Variants in STPG1 observed in about 807,000 individuals in gnomAD.
The protein encoded by STPG1 is O(6)-methylguanine-induced apoptosis 2.
STPG1 carries 33 observed loss-of-function variants against 40.1 expected under a neutral mutation model. The ratio of observed to expected loss-of-function variants is 0.82; its 90% CI spans 0.62 to 1.10. The LOEUF (loss-of-function observed/expected upper bound fraction) is 1.10. STPG1 is among the 50% of genes least tolerant of loss of function. STPG1 has a pLI of 0.00. For missense variants in STPG1, 396 were observed against 415.1 expected (o/e 0.95, Z 0.40); for synonymous variants, 150 against 155.0 (o/e 0.97, Z 0.24).
chr1:24,374,244 GTTT>G (rs869037466), intron 5 of STPG1, among the ~76,000 whole-genome samples: 9 of 93,286 alleles, frequency 9.6e-5, no homozygotes, highest in East Asian at 7.6e-4. Context: ...CTAGGAAAGT[GTTT>G]TTTTTTTTTG....
At chr1:24,384,853 G>T (rs79967359) in intron 3 of STPG1, among the ~76,000 whole-genome samples, 4 of 152,160 alleles carry the variant, frequency 2.6e-5, no homozygotes, top group Admixed American at 2.6e-4. Context: ...AGACACTAAG[G>T]CACGTGGAGA....
Position 24,399,068 on chromosome 1 carries a change from A to G in STPG1, c.70+2251T>C, listed in dbSNP as rs1440877624. On this transcript the variant is annotated intron_variant, in intron 2 of 8. Transcript: ENST00000337248. This position sits in a 1 kb window ranked among gnomAD's most constrained non-coding sequence, Gnocchi z 4.0. ...TCATGTGTGCACCATAAATATGTAC[A>G]ACTATTATGTATCCATAAAAATTAA... Among the ~76,000 whole-genome samples the G allele has an allele frequency of 6.6e-6, 1 of 152,280 alleles. No individual in the cohort carries two copies. Among genetic ancestry groups the G allele is most frequent in the East Asian group, 1.9e-4 (1 of 5,188 alleles).
chr1:24,375,841 C>T (rs973128510), intron 5 of STPG1, among the ~76,000 whole-genome samples: 2 of 152,040 alleles, frequency 1.3e-5, no homozygotes, highest in African/African-American at 2.4e-5. Context: ...GAGTGTGTGT[C>T]GCTGGAAGAT....
intron 7 of STPG1, among the ~76,000 whole-genome samples, chr1:24,362,144 A>G (rs1278613796): frequency 1.3e-5 from 2 of 152,208 alleles, no homozygotes; most frequent in Non-Finnish European, 2.9e-5. Context: ...CCATCCAAGC[A>G]AAGGAGGGGA....
intron 1 of STPG1, 131 bp from the exon 2 acceptor site, chr1:24,401,587 G>T: frequency 1.7e-6 from 1 of 593,050 alleles, no homozygotes; most frequent in South Asian, 2.0e-5. Context: ...CAAGTGCAGT[G>T]ACCCAAAGTC....
rs1044535333 is a variant in STPG1 at position 24,359,202 on chromosome 1, G to A, written c.929-583C>T. On this transcript the variant is annotated intron_variant, in intron 8 of 8. Transcript: ENST00000337248. This position sits in a 1 kb window ranked among gnomAD's most constrained non-coding sequence, Gnocchi z 5.3. ...AAGCTGAGCAGGCAGATGCCGGCACGTGCACGTGCCCAGGAAACCCCTCGC... is the reference window on the plus strand; with the variant it reads ...AAGCTGAGCAGGCAGATGCCGGCACATGCACGTGCCCAGGAAACCCCTCGC... 1.4e-4 allele frequency among the ~76,000 whole-genome samples: 21 copies of A among 152,208 alleles called. No homozygotes were observed. The highest frequency in any genetic ancestry group is 2.1e-4 in the South Asian group (1 of 4,834).
At chr1:24,395,581 C>T (rs959924674) in intron 2 of STPG1, among the ~76,000 whole-genome samples, 1 of 151,462 alleles carries the variant, frequency 6.6e-6, no homozygotes, top group South Asian at 2.1e-4. Context: ...TACAGGCGCC[C>T]GCCACCGCGC....
At chr1:24,371,590 CA>C (rs11348704) in intron 6 of STPG1, among the ~76,000 whole-genome samples, 32,620 of 107,942 alleles carry the variant, frequency 0.3, 3,549 homozygotes, top group East Asian at 0.5. Flanking sequence ...GACTCCCTCT[CA>C]AAAAAAAAAA....
At chr1:24,366,443 C>T (rs1641471519) in intron 7 of STPG1, among the ~76,000 whole-genome samples, 2 of 152,168 alleles carry the variant, frequency 1.3e-5, no homozygotes, top group Admixed American at 1.3e-4. Flanking sequence ...TTCCTCAACA[C>T]TCTGATATTC....
chr1:24,384,247 T>C (rs1642408301), intron 3 of STPG1, among the ~76,000 whole-genome samples: 1 of 152,236 alleles, frequency 6.6e-6, no homozygotes, highest in South Asian at 2.1e-4. Context: ...CTTTCCACTA[T>C]GCCCTGCCGC....
intron 2 of STPG1, among the ~76,000 whole-genome samples, chr1:24,394,644 G>T (rs574224407): frequency 1.3e-5 from 2 of 152,040 alleles, no homozygotes; most frequent in Non-Finnish European, 2.9e-5. Flanking sequence ...ATAATGACAA[G>T]ATCCAAATCG....
chr1:24,403,947 G>A (rs956936546), intron 1 of STPG1, among the ~76,000 whole-genome samples: 2 of 151,244 alleles, frequency 1.3e-5, no homozygotes, highest in Non-Finnish European at 2.9e-5. Flanking sequence ...TCTTTTTATT[G>A]TAATACTGCA....
chr1:24,363,720 C>G (rs572350347), intron 7 of STPG1, among the ~76,000 whole-genome samples: 2 of 152,254 alleles, frequency 1.3e-5, no homozygotes, highest in East Asian at 3.9e-4. Context: ...GAGACAGAGA[C>G]AGAGGGACAT....
intron 3 of STPG1, among the ~76,000 whole-genome samples, chr1:24,387,138 T>C (rs2148701858): frequency 6.6e-6 from 1 of 152,118 alleles, no homozygotes; most frequent in South Asian, 2.1e-4. Context: ...GTGCCCTGCG[T>C]GGGATGGGGG....
intron 7 of STPG1, among the ~76,000 whole-genome samples, chr1:24,363,200 C>T (rs936570424): frequency 5.9e-5 from 9 of 152,214 alleles, no homozygotes; most frequent in African/African-American, 1.9e-4. Flanking sequence ...GGCTGGAGCA[C>T]GCTGAGTTAA....
At chr1:24,361,739 G>C (rs551956652) in intron 7 of STPG1, among the ~76,000 whole-genome samples, 1 of 152,258 alleles carries the variant, frequency 6.6e-6, no homozygotes, top group Admixed American at 6.5e-5. Flanking sequence ...CTTCCAGAAA[G>C]GGAGTCTATC....
At chr1:24,403,071 T>G (rs1006714600) in intron 1 of STPG1, among the ~76,000 whole-genome samples, 3 of 152,208 alleles carry the variant, frequency 2.0e-5, no homozygotes, top group Admixed American at 2.0e-4. Flanking sequence ...TTTTAGAAGT[T>G]TTATAGTTTT....
intron 1 of STPG1, 124 bp from the exon 2 acceptor site, chr1:24,401,580 G>C (rs757074105): frequency 7.5e-5 from 45 of 600,716 alleles, no homozygotes; most frequent in Non-Finnish European, 1.4e-4. Context: ...GATCTACCAA[G>C]TGCAGTGACC....
chr1:24,358,673 A>G, intron 8 of STPG1, 54 bp from the exon 9 acceptor site: 1 of 1,389,344 alleles, frequency 7.2e-7, no homozygotes, highest in Non-Finnish European at 1.0e-6. Context: ...CCATTGCTGC[A>G]GTCTCTGGCA....
Sources: allele counts gnomAD v4.1 joint callset (sites outside exome capture counted in the v4.1 genomes callset), GRCh38; gene constraint gnomAD v4.1.1; non-coding constraint Gnocchi (gnomAD v3.1); transcripts MANE v1.5; gene names NCBI Gene and HGNC (gene_info 2026-07-23, HGNC 2026-07-21).